The following NES variants were observed in gnomAD, a reference collection of about 807,000 sequenced individuals.
NES encodes the protein nestin.
NES carries 27 observed loss-of-function variants against 35.6 expected under a neutral mutation model. That is an observed-to-expected ratio of 0.76 (90% CI 0.56 to 1.04). The LOEUF (loss-of-function observed/expected upper bound fraction) is 1.04. Among genes scored for constraint, NES ranks in the 50% least tolerant of loss-of-function variants. The pLI is 0.00. For missense variants in NES, 1,867 were observed against 1,983.6 expected, an observed-to-expected ratio of 0.94 and a Z score of 1.12; for synonymous variants, 822 against 824.2, an observed-to-expected ratio of 1.00 and a Z score of 0.04.
chr1:156,674,945 G>A (rs1199490784), intron 2 of NES, among the ~76,000 whole-genome samples: 3 of 152,226 alleles, frequency 2.0e-5, no homozygotes, highest in Admixed American at 1.3e-4. Context: ...CACGGGCCCA[G>A]CCCCTCTCCA....
At position 156,677,120 on chromosome 1, in the gene NES, CCGCGGATTGTGCCCGGAGCCCCCCGAG is replaced by C; in HGVS notation, c.118_144del (p.Leu40_Ala48del). ...TCGGCATGCGCCCGCCAGGAGGTGT[CCGCGGATTGTGCCCGGAGCCCCCCGAG>C]CTCCGCGCTGAGCAGCTCATTCTGC... On this transcript the variant is annotated inframe_deletion, in exon 1 of 4. Transcript: ENST00000368223. This position sits in a 1 kb window ranked among gnomAD's most constrained non-coding sequence, Gnocchi z 4.5. 6 of 1,607,184 alleles carry C rather than the reference CCGCGGATTGTGCCCGGAGCCCCCCGAG, an allele frequency of 3.7e-6. No individual in the cohort carries two copies. Among genetic ancestry groups the C allele is most frequent in the Non-Finnish European group, 4.2e-6 (5 of 1,177,660 alleles).
rs1417399518 is a variant in NES at position 156,670,190 on chromosome 1, T to C, written c.3998A>G (p.Asp1333Gly). 2.5e-6 allele frequency: 4 copies of C among 1,614,046 alleles called. No homozygotes were observed. Among genetic ancestry groups the C allele is most frequent in the Non-Finnish European group, 3.4e-6 (4 of 1,179,988 alleles). ...GCCCTCGGAAGCCAGGACAGCAGGATCCCAGCCCTCCTTTCCAGTCTCCCC... is the reference window on the plus strand; with the variant it reads ...GCCCTCGGAAGCCAGGACAGCAGGACCCCAGCCCTCCTTTCCAGTCTCCCC... Reference protein sequence around the residue: ...PQGETGKEGWDPAVLASEGLE... With the variant: ...PQGETGKEGWGPAVLASEGLE... Residue 1333 changes from aspartate (D) to glycine (G), a missense_variant, in exon 4 of 4, where the codon GAT (aspartate) becomes GGT (glycine). Coordinates refer to ENST00000368223, the MANE Select transcript of NES (RefSeq NM_006617.2).
At position 156,670,236 on chromosome 1, in the gene NES, C is replaced by T. The variant is rs781700176; in HGVS notation, c.3952G>A (p.Glu1318Lys). 2 of 1,613,554 alleles carry T rather than the reference C, an allele frequency of 1.2e-6. No homozygotes were observed. The highest frequency in any genetic ancestry group is 2.7e-5 in the African/African-American group (2 of 74,924). ...PTSPRWDPTG[E>K]QRPPPQGETG... The stretch of plus-strand genomic sequence containing the variant: ...TCCCCTTGAGGGGGTGGCCTCTGCT[C>T]TCCAGTGGGGTCCCACCTGGGGGAG... Residue 1318 changes from glutamate (E) to lysine (K), a missense_variant, in exon 4 of 4, where the codon GAG becomes AAG. Coordinates refer to ENST00000368223, the MANE Select transcript of NES (RefSeq NM_006617.2).
Position 156,671,049 on chromosome 1 carries a change from G to C in NES, c.3139C>G (p.Gln1047Glu), listed in dbSNP as rs1679716692. ...GCCTGGAGGCCTGGGGCCCCCACCT[G>C]TTGTGATTGCCCTTCAGGGTCCTGG... Reference protein sequence around the residue: ...GLQDPEGQSQQVGAPGLQAPQ... With the variant: ...GLQDPEGQSQEVGAPGLQAPQ... The change falls in exon 4 of 4, where the codon CAG (glutamine) becomes GAG (glutamate). Residue 1047 changes from glutamine to glutamate, a missense_variant. By Grantham distance (29) the Gln-to-Glu change is conservative. Transcript: ENST00000368223. 1.2e-6 allele frequency: 2 copies of C among 1,613,600 alleles called. No individual in the cohort carries two copies. Among genetic ancestry groups the C allele is most frequent in the East Asian group, 4.5e-5 (2 of 44,850 alleles).
rs148081051 is a variant in NES, at chr1:156,671,672, G to A, written c.2516C>T (p.Thr839Ile). The change falls in exon 4 of 4, where the codon ACA becomes ATA. Residue 839 changes from threonine (T) to isoleucine (I), a missense_variant. Transcript: ENST00000368223. ...LKSAGQENLETLKSPETQAPL... is the reference protein window; with the variant it reads ...LKSAGQENLEILKSPETQAPL... ...TGCTTGAGTTTCTGGAGATTTCAGTGTTTCCAGGTTCTCTTGTCCCGCAGA... is the reference window on the plus strand; with the variant it reads ...TGCTTGAGTTTCTGGAGATTTCAGTATTTCCAGGTTCTCTTGTCCCGCAGA... The A allele has an allele frequency of 1.9e-6, 3 of 1,613,588 alleles. No individual in the cohort carries two copies. The highest frequency in any genetic ancestry group is 1.7e-5 in the Admixed American group (1 of 59,900).
In NES at chr1:156,669,521, C is replaced by T; in HGVS notation, c.4667G>A (p.Gly1556Glu). The T allele has an allele frequency of 6.2e-7, 1 of 1,612,086 alleles. No homozygotes were observed. The highest frequency in any genetic ancestry group is 8.5e-7 in the Non-Finnish European group (1 of 1,178,516). Residue 1556 changes from glycine (G) to glutamate (E), a missense_variant, in exon 4 of 4, where the codon GGG becomes GAG. Coordinates refer to ENST00000368223, the MANE Select transcript of NES (RefSeq NM_006617.2). ...CCCCACTTCCTCAGACTGCTCCAGC[C>T]CGTTCATCACTCCCCCATTCACATG... ...SQHVNGGVMN[G>E]LEQSEEVGQG...
In NES at chr1:156,676,704, G is replaced by C; in HGVS notation, c.561C>G (p.Arg187=). 6.9e-7 allele frequency: 1 copy of C among 1,452,440 alleles called. No homozygotes were observed. The allele number at this position is 1,452,440 out of a possible 1,614,324, so 90.0% of individuals were successfully genotyped here. ...GCTCCTGGTAGCCGCGCACTGCCCCGCGCCACGCCTCGCCCAGTCGCCTTG... is the reference window on the plus strand; with the variant it reads ...GCTCCTGGTAGCCGCGCACTGCCCCCCGCCACGCCTCGCCCAGTCGCCTTG... The part of the protein sequence containing the change: ...ELARRLGEAW[R]GAVRGYQERV... Residue 187 remains arginine, a synonymous_variant, in exon 1 of 4, where the codon CGC becomes CGG. Coordinates refer to ENST00000368223, the MANE Select transcript of NES (RefSeq NM_006617.2). The surrounding 1 kb of genome is among the most constrained non-coding windows in gnomAD (Gnocchi z 5.3).
chr1:156,677,294 A>T lies in NES; in HGVS notation c.-30T>A, dbSNP rs960900280. Reference sequence around the variant, plus strand: ...CTCGTCTGACCCACTGAGGATGGACAGACGCGGGGCACCGGGAGAAGGGAG... The same window carrying T: ...CTCGTCTGACCCACTGAGGATGGACTGACGCGGGGCACCGGGAGAAGGGAG... On this transcript the variant is annotated 5_prime_UTR_variant, in exon 1 of 4. Coordinates refer to ENST00000368223, the MANE Select transcript of NES (RefSeq NM_006617.2). The surrounding 1 kb of genome is among the most constrained non-coding windows in gnomAD (Gnocchi z 4.5). 3.2e-6 allele frequency: 5 copies of T among 1,559,350 alleles called. No homozygotes were observed. The highest frequency in any genetic ancestry group is 4.3e-6 in the Non-Finnish European group (5 of 1,153,158).
Position 156,670,858 on chromosome 1 carries a change from G to A in NES, c.3330C>T (p.Asp1110=). 1 of 1,612,064 alleles carries A rather than the reference G, an allele frequency of 6.2e-7. No homozygotes were observed. The highest frequency in any genetic ancestry group is 8.5e-7 in the Non-Finnish European group (1 of 1,178,926). ...CCTCTTCCCTGGTCAGATGGCCTGG[G>A]TCCCCCAGCCCTCCCACCCCCTGCC... The part of the protein sequence containing the change: ...GPGQGVGGLG[D]PGHLTREEVM... Residue 1110 remains aspartate (D), a synonymous_variant, in exon 4 of 4, where the codon GAC becomes GAT. Coordinates refer to ENST00000368223, the MANE Select transcript of NES (RefSeq NM_006617.2).
chr1:156,670,007 G>A lies in NES; in HGVS notation c.4181C>T (p.Pro1394Leu), dbSNP rs1444939464. ...GEVAEPLGQV[P>L]QLLLDPAAWD... ...GGCTGCAGGATCCAGTAGCAGCTGG[G>A]GCACCTGGCCCAGAGGTTCTGCCAC... Residue 1394 changes from proline (P) to leucine (L), a missense_variant, in exon 4 of 4, where the codon CCC (proline) becomes CTC (leucine). By Grantham distance (98) the Pro-to-Leu change is moderately conservative. Coordinates refer to ENST00000368223, the MANE Select transcript of NES (RefSeq NM_006617.2). 18 of 1,613,788 alleles carry A rather than the reference G, an allele frequency of 1.1e-5. No homozygotes were observed. Among genetic ancestry groups the A allele is most frequent in the Non-Finnish European group, 1.4e-5 (17 of 1,179,970 alleles).
Position 156,672,494 on chromosome 1 carries a change from TGGCTCTGGTTTTCCAGAGTCTTCA to T in NES, c.1670_1693del (p.Leu557_Ser564del). ...TTGATTCTCCCTTTCTAGTGTCTCA[TGGCTCTGGTTTTCCAGAGTCTTCA>T]GTGACTCTTGAATCTCCTCTCCCAG... is the stretch of plus-strand genomic sequence containing the variant. On this transcript the variant is annotated inframe_deletion, in exon 4 of 4. Transcript: ENST00000368223. 6.2e-7 allele frequency: 1 copy of T among 1,613,226 alleles called. No individual in the cohort carries two copies. The highest frequency in any genetic ancestry group is 2.2e-5 in the East Asian group (1 of 44,870).
Position 156,670,945 on chromosome 1 carries a change from C to T in NES, c.3243G>A (p.Glu1081=), listed in dbSNP as rs772549306. The part of the protein sequence containing the change: ...VAPGGDQASP[E]VMLGSEPAMG... ...TGGCAGGCTCTGACCCCAACATGAC[C>T]TCTGGGGAGGCTTGGTCACCCCCTG... Residue 1081 remains glutamate, a synonymous_variant, in exon 4 of 4, where the codon GAG becomes GAA. Transcript: ENST00000368223. 1.9e-6 allele frequency: 3 copies of T among 1,612,614 alleles called. No homozygotes were observed. Among genetic ancestry groups the T allele is most frequent in the East Asian group, 2.2e-5 (1 of 44,804 alleles).
In NES at chr1:156,671,392, C is replaced by T. The variant is rs763029235; in HGVS notation, c.2796G>A (p.Leu932=). ...CCTGTCCCTCCTCCTCCAGAGACCTCAGTGACTCTTGGTACTCTCCCTTTC... is the reference window on the plus strand; with the variant it reads ...CCTGTCCCTCCTCCTCCAGAGACCTTAGTGACTCTTGGTACTCTCCCTTTC... ...NLGKGEYQES[L]RSLEEEGQEL... The change falls in exon 4 of 4, where the codon CTG becomes CTA. Residue 932 remains leucine (L), a synonymous_variant. Coordinates refer to ENST00000368223, the MANE Select transcript of NES (RefSeq NM_006617.2). The T allele has an allele frequency of 3.7e-6, 6 of 1,614,062 alleles. No homozygotes were observed. The highest frequency in any genetic ancestry group is 5.1e-6 in the Non-Finnish European group (6 of 1,180,032).
rs1013329539 is a variant in NES at position 156,676,832 on chromosome 1, C to G, written c.433G>C (p.Glu145Gln). The G allele has an allele frequency of 4.1e-6, 6 of 1,452,600 alleles. No individual in the cohort carries two copies. Among genetic ancestry groups the G allele is most frequent in the Non-Finnish European group, 5.4e-6 (6 of 1,116,186 alleles). 90.0% of individuals were successfully genotyped at this position (1,452,600 alleles called of 1,614,324 possible). Reference sequence around the variant, plus strand: ...GCGTTCAGGCCGACGCGCTCCTCCTCGTGCGCCACGCGTAGAGCCTCTAGC... The same window carrying G: ...GCGTTCAGGCCGACGCGCTCCTCCTGGTGCGCCACGCGTAGAGCCTCTAGC... ...RELEALRVAH[E>Q]EERVGLNAQA... Residue 145 changes from glutamate to glutamine, a missense_variant, in exon 1 of 4, where the codon GAG (glutamate) becomes CAG (glutamine). Coordinates refer to ENST00000368223, the MANE Select transcript of NES (RefSeq NM_006617.2). This position sits in a 1 kb window ranked among gnomAD's most constrained non-coding sequence, Gnocchi z 5.3.
intron 1 of NES, among the ~76,000 whole-genome samples, chr1:156,675,958 G>T (rs1647273618): frequency 6.6e-6 from 1 of 152,262 alleles, no homozygotes; most frequent in African/African-American, 2.4e-5. Context: ...TCTGTGCCCT[G>T]TGAGAAGGAG....
At position 156,677,012 on chromosome 1, in the gene NES, C is replaced by T. The variant is rs954519007; in HGVS notation, c.253G>A (p.Ala85Thr). The T allele has an allele frequency of 6.3e-7, 1 of 1,587,814 alleles. No individual in the cohort carries two copies. The highest frequency in any genetic ancestry group is 1.3e-5 in the African/African-American group (1 of 74,242). ...HAAEVARDNL[A>T]EELEGVAGRC... ...CCTGCCACGCCCTCCAGCTCTTCAG[C>T]CAGGTTGTCGCGCGCCACCTCGGCC... The change falls in exon 1 of 4, where the codon GCT (alanine) becomes ACT (threonine). Residue 85 changes from alanine to threonine, a missense_variant. By Grantham distance (58) the Ala-to-Thr change is moderately conservative. Coordinates refer to ENST00000368223, the MANE Select transcript of NES (RefSeq NM_006617.2). This position sits in a 1 kb window ranked among gnomAD's most constrained non-coding sequence, Gnocchi z 4.5.
rs1394715434 is a variant in NES at position 156,676,788 on chromosome 1, G to T, written c.477C>A (p.Pro159=). The stretch of plus-strand genomic sequence containing the variant: ...GCCCGCGGGGCGGCGCGGGGCAGCG[G>T]GGGGCACAGGCAGCCTGCGCGTTCA... ...VGLNAQAACA[P]RCPAPPRGPP... is the part of the protein sequence containing the mutation. Residue 159 remains proline, a synonymous_variant, in exon 1 of 4, where the codon CCC becomes CCA. Coordinates refer to ENST00000368223, the MANE Select transcript of NES (RefSeq NM_006617.2). The surrounding 1 kb of genome is among the most constrained non-coding windows in gnomAD (Gnocchi z 5.3). 13 of 1,392,458 alleles carry T rather than the reference G, an allele frequency of 9.3e-6. No homozygotes were observed. Among genetic ancestry groups the T allele is most frequent in the East Asian group, 2.9e-5 (1 of 34,316 alleles). 86.3% of individuals were successfully genotyped at this position (1,392,458 alleles called of 1,614,324 possible). A position where few individuals can be genotyped will look rare whatever the true frequency, so the allele number is the denominator to read the frequency against.
rs1679703416 is a variant in NES at position 156,670,735 on chromosome 1, C to T, written c.3453G>A (p.Gly1151=). ...RKDLEEAGGL[G]TEFSELPGKS... ...TCCCAGGCAGCTCGGAGAACTCTGT[C>T]CCCAGACCACCTGCCTCCTCTAGGT... The change falls in exon 4 of 4, where the codon GGG becomes GGA. Residue 1151 remains glycine, a synonymous_variant. Coordinates refer to ENST00000368223, the MANE Select transcript of NES (RefSeq NM_006617.2). 6.2e-7 allele frequency: 1 copy of T among 1,613,878 alleles called. No homozygotes were observed. Among genetic ancestry groups the T allele is most frequent in the Non-Finnish European group, 8.5e-7 (1 of 1,179,934 alleles).
intron 2 of NES, 51 bp from the exon 3 acceptor site, chr1:156,673,578 A>G (rs1362330474): frequency 1.4e-6 from 2 of 1,439,310 alleles, no homozygotes; most frequent in Middle Eastern, 1.9e-4. Flanking sequence ...CCAGGCCTGC[A>G]GGCAGCAAGC....
Sources: allele counts gnomAD v4.1 joint callset (sites outside exome capture counted in the v4.1 genomes callset), GRCh38; gene constraint gnomAD v4.1.1; non-coding constraint Gnocchi (gnomAD v3.1); transcripts MANE v1.5; gene names NCBI Gene and HGNC (gene_info 2026-07-23, HGNC 2026-07-21).